Variants in SMIM43 observed in about 807,000 individuals in gnomAD.
The protein encoded by SMIM43 is small integral membrane protein 43.
Position 121,764,983 on chromosome 4 carries a change from C to G in SMIM43, c.123G>C (p.Gly41=). 2.5e-6 allele frequency: 1 copy of G among 398,660 alleles called. No homozygotes were observed. The highest frequency in any genetic ancestry group is 4.4e-5 in the Admixed American group (1 of 22,724). The allele number at this position is 398,660 out of a possible 1,614,324, so 24.7% of individuals were successfully genotyped here. A position where few individuals can be genotyped will look rare whatever the true frequency, so the allele number is the denominator to read the frequency against. Residue 41 remains glycine (G), a synonymous_variant, in exon 1 of 6, where the codon GGG becomes GGC. Coordinates refer to ENST00000643802, the MANE Select transcript of SMIM43 (RefSeq NM_001384332.1). ...CCGAGAGGCGCCCGGGCTGGAGCGC[C>G]CCGGCCGTGTTGGCCACGGAGTTCT... ...QLKNSVANTA[G]ALQPGRLSVH... is the part of the protein sequence containing the mutation.
In SMIM43 at chr4:121,761,843, A is replaced by G; in HGVS notation, c.*328T>C. The G allele has an allele frequency of 2.5e-6, 4 of 1,613,218 alleles. No individual in the cohort carries two copies. The highest frequency in any genetic ancestry group is 3.4e-6 in the Non-Finnish European group (4 of 1,179,772). ...CATTGCACTTACAAGTTTGGAAATT[A>G]GTGCAACAGCCAAGATTGTCCTGAT... On this transcript the variant is annotated 3_prime_UTR_variant, in exon 4 of 6. Transcript: ENST00000643802.
intron 5 of SMIM43, 57 bp from the exon 6 acceptor site, chr4:121,760,531 T>G (rs1257546206): frequency 7.4e-5 from 108 of 1,465,474 alleles, no homozygotes; most frequent in Non-Finnish European, 9.2e-5. Context: ...CTGACACCCG[T>G]GAGCTGCTGA....
intron 5 of SMIM43, among the ~76,000 whole-genome samples, chr4:121,760,986 G>C (rs1431508419): frequency 6.6e-6 from 1 of 152,102 alleles, no homozygotes; most frequent in Non-Finnish European, 1.5e-5. Context: ...ACGCCCTTCT[G>C]ATAATCCACC....
intron 3 of SMIM43, 59 bp from the exon 4 acceptor site, chr4:121,761,951 T>G: frequency 7.3e-7 from 1 of 1,373,480 alleles, no homozygotes; most frequent in Non-Finnish European, 1.0e-6. Flanking sequence ...AAATATTACA[T>G]AATAGAATTA....
chr4:121,760,381 C>T lies in SMIM43; in HGVS notation c.*593G>A. 1.2e-6 allele frequency: 2 copies of T among 1,606,100 alleles called. No individual in the cohort carries two copies. Among genetic ancestry groups the T allele is most frequent in the Non-Finnish European group, 1.7e-6 (2 of 1,175,680 alleles). ...AAGTTATTGGGCTGCTGAGGAAGCT[C>T]TTTAAAAGGAAGTGGATTTGAACTG... On this transcript the variant is annotated 3_prime_UTR_variant, in exon 6 of 6. Transcript: ENST00000643802.
intron 3 of SMIM43, among the ~76,000 whole-genome samples, chr4:121,762,434 A>G (rs1016049469): frequency 6.6e-6 from 1 of 152,196 alleles, no homozygotes; most frequent in Admixed American, 6.5e-5. Context: ...AGAGTCTCTA[A>G]CAAAGCAAGT....
At chr4:121,764,205 ACCCTGCACGGCAAT>A (rs1726226954) in intron 1 of SMIM43, 1 of 151,970 alleles carries the variant, frequency 6.6e-6, no homozygotes, top group South Asian at 2.1e-4. Flanking sequence ...TTCGAAACCT[ACCCTGCACGGCAAT>A]CCGCAAGCAC....
intron 5 of SMIM43, 42 bp downstream of exon 5, chr4:121,761,496 A>T: frequency 6.6e-7 from 1 of 1,522,100 alleles, no homozygotes; most frequent in Non-Finnish European, 8.8e-7. Context: ...GGAAATATAG[A>T]ATGTCAAACT....
chr4:121,763,722 A>T (rs1024249485), intron 2 of SMIM43, 42 bp downstream of exon 2: 6 of 152,306 alleles, frequency 3.9e-5, no homozygotes, highest in African/African-American at 1.4e-4. Flanking sequence ...AAGTTTAGTC[A>T]TAACTAAGGC....
chr4:121,763,886 T>A lies in SMIM43; in HGVS notation c.*98-14A>T, dbSNP rs1726206004. 1 of 152,110 alleles carries A rather than the reference T, an allele frequency of 6.6e-6. No homozygotes were observed. The highest frequency in any genetic ancestry group is 2.1e-4 in the South Asian group (1 of 4,814). 9.4% of individuals were successfully genotyped at this position (152,110 alleles called of 1,614,324 possible). On this transcript the variant is annotated splice_polypyrimidine_tract_variant and intron_variant, in intron 1 of 5. Transcript: ENST00000643802. ...AGCAGCTCGGCTCTAGAAAGAGAGA[T>A]GACATAAATCTAGGGAAAAGCTACT... is the stretch of plus-strand genomic sequence containing the variant.
rs1725918444 is a variant in SMIM43 at position 121,759,121 on chromosome 4, G to C, written c.*1853C>G. ...TCACTCTGACTAGGAACACATAATA[G>C]TCACTAGGAAGGTGAAGTGGAGCAG... On this transcript the variant is annotated 3_prime_UTR_variant, in exon 6 of 6. Coordinates refer to ENST00000643802, the MANE Select transcript of SMIM43 (RefSeq NM_001384332.1). The C allele has an allele frequency of 6.6e-6, 1 of 152,170 alleles. No homozygotes were observed. The highest frequency in any genetic ancestry group is 1.5e-5 in the Non-Finnish European group (1 of 68,040). 9.4% of individuals were successfully genotyped at this position (152,170 alleles called of 1,614,324 possible).
In SMIM43 at chr4:121,760,261, C is replaced by A; in HGVS notation, c.*713G>T. 1 of 1,557,380 alleles carries A rather than the reference C, an allele frequency of 6.4e-7. No homozygotes were observed. The highest frequency in any genetic ancestry group is 1.2e-5 in the South Asian group (1 of 81,698). On this transcript the variant is annotated 3_prime_UTR_variant, in exon 6 of 6. Transcript: ENST00000643802. The stretch of plus-strand genomic sequence containing the variant: ...AGAGAAACTGGATTTTTGTCAAAGG[C>A]AGTTATATATCCAGCTACAAAAACT...
In SMIM43 at chr4:121,760,290, T is replaced by C; in HGVS notation, c.*684A>G. 1.3e-6 allele frequency: 2 copies of C among 1,595,854 alleles called. No homozygotes were observed. The highest frequency in any genetic ancestry group is 1.7e-6 in the Non-Finnish European group (2 of 1,174,282). On this transcript the variant is annotated 3_prime_UTR_variant, in exon 6 of 6. Coordinates refer to ENST00000643802, the MANE Select transcript of SMIM43 (RefSeq NM_001384332.1). ...TATATATCCAGCTACAAAAACTACA[T>C]TTCTCAGACAATCTTGCAGATAGCA... is the stretch of plus-strand genomic sequence containing the variant.
At chr4:121,762,468 C>T (rs4240263) in intron 3 of SMIM43, among the ~76,000 whole-genome samples, 52,730 of 151,944 alleles carry the variant, frequency 0.35, 11,379 homozygotes, top group Admixed American at 0.52. Flanking sequence ...TCAACAGCAG[C>T]AAGATCTAAG....
At chr4:121,760,677 A>G (rs148941892) in intron 5 of SMIM43, among the ~76,000 whole-genome samples, 3 of 152,172 alleles carry the variant, frequency 2.0e-5, no homozygotes, top group Non-Finnish European at 4.4e-5. Context: ...TTGATTCCCA[A>G]TAGGAAAGTG....
intron 1 of SMIM43, 198 bp from the exon 2 acceptor site, chr4:121,764,070 A>G (rs3903026): frequency 0.096 from 14,654 of 152,260 alleles, 1,141 homozygotes; most frequent in African/African-American, 0.21. Context: ...GTTTCCCTAC[A>G]CTATGCAAAC....
rs544279112 is a variant in SMIM43 at position 121,763,437 on chromosome 4, T to C, written c.*206+327A>G. Among the ~76,000 whole-genome samples the C allele has an allele frequency of 1.3e-4, 20 of 152,306 alleles. No homozygotes were observed. The South Asian group carries it at 1.7e-3, about 13-fold the overall frequency. ...AACCCAAATCTTCCCTTACTGAAGA[T>C]TGAGTATATCTGCATCACATATTTC... On this transcript the variant is annotated intron_variant, in intron 2 of 5. Coordinates refer to ENST00000643802, the MANE Select transcript of SMIM43 (RefSeq NM_001384332.1).
chr4:121,761,443 A>T (rs1314895242), intron 5 of SMIM43, 95 bp downstream of exon 5: 4 of 1,306,244 alleles, frequency 3.1e-6, no homozygotes, highest in African/African-American at 3.0e-5. Context: ...GGTCATTTAA[A>T]ATTTAACTCT....
chr4:121,763,131 T>G (rs1254905802), intron 2 of SMIM43, among the ~76,000 whole-genome samples: 1 of 152,204 alleles, frequency 6.6e-6, no homozygotes, highest in Non-Finnish European at 1.5e-5. Context: ...CATACCATAA[T>G]AATTAAAGTA....
Sources: gnomAD v4.1 joint callset for allele counts (sites outside exome capture counted in the v4.1 genomes callset) on GRCh38, gnomAD v4.1.1 for gene constraint, MANE v1.5 for transcripts, NCBI Gene and HGNC (gene_info 2026-07-23, HGNC 2026-07-21) for gene names.